Variants in MOB3B observed in about 807,000 individuals in gnomAD.
MOB3B encodes MOB kinase activator 3B.
In MOB3B, 7 loss-of-function variants were observed where a neutral mutation model predicts 18.7. The ratio of observed to expected loss-of-function variants is 0.37; its 90% CI spans 0.21 to 0.70. The LOEUF is 0.70. Among genes scored for constraint, MOB3B ranks in the 30% least tolerant of loss-of-function variants. The pLI is 0.52. For missense variants in MOB3B, 253 were observed against 281.3 expected (o/e 0.90, Z 0.72); for synonymous variants, 111 against 99.9 (o/e 1.11, Z -0.66).
intron 2 of MOB3B, among the ~76,000 whole-genome samples, chr9:27,426,915 C>T (rs926424949): frequency 4.6e-5 from 7 of 152,142 alleles, no homozygotes; most frequent in Non-Finnish European, 1.0e-4. Flanking sequence ...ATGGAATAGG[C>T]GGGATGCTTG....
intron 2 of MOB3B, among the ~76,000 whole-genome samples, chr9:27,424,150 T>C (rs1383473452): frequency 6.6e-6 from 1 of 152,216 alleles, no homozygotes; most frequent in Non-Finnish European, 1.5e-5. Flanking sequence ...AGTTAGCCTC[T>C]TGACATCCCC....
intron 2 of MOB3B, among the ~76,000 whole-genome samples, chr9:27,404,347 C>CTTTTTTTTTTTTTTTTTTTTTTTTTTT (rs756275032): frequency 2.7e-5 from 2 of 75,170 alleles, no homozygotes; most frequent in African/African-American, 5.7e-5. Flanking sequence ...TTCTTTCTTT[C>CTTTTTTTTTTTTTTTTTTTTTTTTTTT]TTTTTTTTTT....
intron 1 of MOB3B, among the ~76,000 whole-genome samples, chr9:27,510,371 A>G (rs1353286981): frequency 6.6e-6 from 1 of 152,200 alleles, no homozygotes; most frequent in East Asian, 1.9e-4. Context: ...CCTGTATTCC[A>G]TCTTAATTTG....
In MOB3B at chr9:27,367,595, T is replaced by C. The variant is rs374837153; in HGVS notation, c.419-8359A>G. Among the ~76,000 whole-genome samples, 38 of 152,280 alleles carry C rather than the reference T, an allele frequency of 2.5e-4. 1 individual carries two copies. In the East Asian group the frequency reaches 7.1e-3, roughly 29 times the overall value. On this transcript the variant is annotated intron_variant, in intron 2 of 3. Transcript: ENST00000262244. ...AATGGTGATAATAATACCTAGCTCT[T>C]CATGAGACCACAAGGACTAAATGAG...
Position 27,359,086 on chromosome 9 carries a change from TAGA to T in MOB3B, c.566_568del (p.Phe189del). The T allele has an allele frequency of 6.2e-7, 1 of 1,614,076 alleles. No individual in the cohort carries two copies. The highest frequency in any genetic ancestry group is 8.5e-7 in the Non-Finnish European group (1 of 1,180,034). On this transcript the variant is annotated inframe_deletion, in exon 3 of 4. Transcript: ENST00000262244. ...GAGGTTCATCTCTGTGACAAAGTAATAGAAGTGTTTGTAGCAGGTGTTGACATG... is the reference window on the plus strand; with the variant it reads ...GAGGTTCATCTCTGTGACAAAGTAATAGTGTTTGTAGCAGGTGTTGACATG...
chr9:27,451,988 G>A (rs771793033), intron 2 of MOB3B, among the ~76,000 whole-genome samples: 2 of 152,158 alleles, frequency 1.3e-5, no homozygotes, highest in Non-Finnish European at 2.9e-5. Context: ...TCATAGTGAA[G>A]GTGGACGGTG....
intron 2 of MOB3B, chr9:27,378,713 T>C (rs1351313263): frequency 6.4e-6 from 3 of 470,686 alleles, no homozygotes; most frequent in African/African-American, 4.0e-5. Context: ...GAGTATTGCA[T>C]GTGCATGGGC....
At chr9:27,340,059 T>C (rs538261300) in intron 3 of MOB3B, among the ~76,000 whole-genome samples, 8 of 152,298 alleles carry the variant, frequency 5.3e-5, no homozygotes, top group Non-Finnish European at 1.2e-4. Context: ...GGGTGGCAAA[T>C]AAGCCAAACG....
At position 27,326,844 on chromosome 9, in the gene MOB3B, A is replaced by G. The variant is rs916611712; in HGVS notation, c.*3743T>C. 1.8e-5 allele frequency: 6 copies of G among 340,686 alleles called. No homozygotes were observed. The highest frequency in any genetic ancestry group is 2.1e-5 in the African/African-American group (1 of 47,364). The allele number at this position is 340,686 out of a possible 1,614,324, so 21.1% of individuals were successfully genotyped here. On this transcript the variant is annotated 3_prime_UTR_variant, in exon 4 of 4. Coordinates refer to ENST00000262244, the MANE Select transcript of MOB3B (RefSeq NM_024761.5). ...CATCACCATGAAATTTTAATACCAC[A>G]TAAATACTTTGTATCTGTTTATGTA...
chr9:27,481,734 C>G (rs1211998407), intron 1 of MOB3B, among the ~76,000 whole-genome samples: 3 of 151,864 alleles, frequency 2.0e-5, no homozygotes, highest in Non-Finnish European at 4.4e-5. Flanking sequence ...ACTGTGTTAG[C>G]CAGGATGGTC....
chr9:27,333,355 T>TAAAA (rs34342309), intron 3 of MOB3B, among the ~76,000 whole-genome samples: 6 of 149,196 alleles, frequency 4.0e-5, no homozygotes, highest in African/African-American at 1.5e-4. Context: ...AATGAGCTGT[T>TAAAA]AAAAAAAAAA....
chr9:27,494,769 T>C (rs1467576045), intron 1 of MOB3B, among the ~76,000 whole-genome samples: 1 of 152,040 alleles, frequency 6.6e-6, no homozygotes, highest in Non-Finnish European at 1.5e-5. Context: ...CACCTTGGCC[T>C]CCCTAAGTGC....
intron 2 of MOB3B, among the ~76,000 whole-genome samples, chr9:27,396,293 T>C (rs1821797305): frequency 6.6e-6 from 1 of 152,124 alleles, no homozygotes; most frequent in Non-Finnish European, 1.5e-5. Flanking sequence ...TATTCAGCAG[T>C]CCTTTTCCCC....
At chr9:27,444,257 A>C in intron 2 of MOB3B, among the ~76,000 whole-genome samples, 1 of 108,036 alleles carries the variant, frequency 9.3e-6, no homozygotes, top group Non-Finnish European at 2.0e-5. Context: ...GGAAGGAAGG[A>C]AGGAAGGAAG....
Position 27,330,494 on chromosome 9 carries a change from G to C in MOB3B, c.*93C>G. ...CCACCTCTGCTGTTCCTGGGAGTAG[G>C]TGTGTCATTTCAGCCAGGGTGGTCC... On this transcript the variant is annotated 3_prime_UTR_variant, in exon 4 of 4. Coordinates refer to ENST00000262244, the MANE Select transcript of MOB3B (RefSeq NM_024761.5). 6.4e-7 allele frequency: 1 copy of C among 1,550,616 alleles called. No individual in the cohort carries two copies.
chr9:27,398,308 TG>T (rs1326382258), intron 2 of MOB3B, among the ~76,000 whole-genome samples: 9 of 152,144 alleles, frequency 5.9e-5, no homozygotes, highest in African/African-American at 2.2e-4. Flanking sequence ...ACATTTGCTC[TG>T]GAGGATTTTG....
chr9:27,499,099 C>A (rs943794115), intron 1 of MOB3B, among the ~76,000 whole-genome samples: 1 of 152,188 alleles, frequency 6.6e-6, no homozygotes, highest in African/African-American at 2.4e-5. Flanking sequence ...TCTGAATCAG[C>A]TCCTAAAATC....
At chr9:27,397,654 C>T (rs934887229) in intron 2 of MOB3B, 2 of 152,116 alleles carry the variant, frequency 1.3e-5, no homozygotes, top group African/African-American at 4.8e-5. Flanking sequence ...AAGTTCCCTC[C>T]CAAGAATTGC....
intron 2 of MOB3B, among the ~76,000 whole-genome samples, chr9:27,425,472 G>T (rs1411500134): frequency 1.3e-5 from 2 of 152,038 alleles, no homozygotes; most frequent in Non-Finnish European, 2.9e-5. Context: ...TCAGAATGGT[G>T]CTGTGATACA....
Sources: gnomAD v4.1 joint callset for allele counts (sites outside exome capture counted in the v4.1 genomes callset) on GRCh38, gnomAD v4.1.1 for gene constraint, MANE v1.5 for transcripts, NCBI Gene and HGNC (gene_info 2026-07-23, HGNC 2026-07-21) for gene names.